SACS: variants seen among roughly 807,000 people sequenced by gnomAD.
SACS encodes the protein sacsin.
In SACS, 197 loss-of-function variants were observed where a neutral mutation model predicts 348.0. The ratio of observed to expected loss-of-function variants is 0.57; its 90% CI spans 0.50 to 0.64. The LOEUF (loss-of-function observed/expected upper bound fraction) is 0.64, where lower values mean the gene tolerates loss of function less well. Ranked by LOEUF, SACS falls within the 30% of genes least tolerant of loss-of-function variation. The pLI, the probability that SACS is intolerant of heterozygous loss-of-function variation, is 0.00. For missense variants in SACS, 4,999 were observed against 5,360.8 expected, an observed-to-expected ratio of 0.93 and a Z score of 2.11; for synonymous variants, 1,985 against 1,910.6, an observed-to-expected ratio of 1.04 and a Z score of -1.02.
In SACS at chr13:23,330,235, G is replaced by T; in HGVS notation, c.13641C>A (p.Ile4547=). 6.2e-7 allele frequency: 1 copy of T among 1,614,088 alleles called. No homozygotes were observed. Among genetic ancestry groups the T allele is most frequent in the Non-Finnish European group, 8.5e-7 (1 of 1,179,966 alleles). The change falls in exon 10 of 10, where the codon ATC becomes ATA. Residue 4547 remains isoleucine (I), a synonymous_variant. Transcript: ENST00000382292. ...CCTCAGAAGTGAACCTGTCATTTGG[G>T]ATCTGAGGAAAGGGAAGCAAATCAG... ...RYPDLLPFPQ[I]PNDRFTSEVA... is the part of the protein sequence containing the mutation.
chr13:23,357,790 TA>T (rs1870489259), intron 7 of SACS, among the ~76,000 whole-genome samples: 4 of 152,188 alleles, frequency 2.6e-5, no homozygotes, highest in African/African-American at 9.7e-5. Flanking sequence ...CTTTCTAGAT[TA>T]AAAATATGAT....
chr13:23,429,449 G>GC (rs537154255), intron 1 of SACS, among the ~76,000 whole-genome samples: 1,731 of 135,520 alleles, frequency 0.013, 39 homozygotes, highest in African/African-American at 0.044. Context: ...TGCAAGCTCC[G>GC]CCTCCCGGGT....
chr13:23,353,623 G>C (rs552846389), intron 9 of SACS, 162 bp downstream of exon 9: 2 of 588,066 alleles, frequency 3.4e-6, no homozygotes, highest in African/African-American at 1.9e-5. Context: ...GCATCTCTTA[G>C]ATGCCATTCT....
intron 1 of SACS, among the ~76,000 whole-genome samples, chr13:23,426,053 G>A (rs962290391): frequency 6.6e-6 from 1 of 152,128 alleles, no homozygotes; most frequent in African/African-American, 2.4e-5. Flanking sequence ...TCATTATACA[G>A]AGAAGGAAAC....
In SACS at chr13:23,354,870, T is replaced by C. The variant is rs1223347244; in HGVS notation, c.1742A>G (p.Asp581Gly). 3 of 1,614,182 alleles carry C rather than the reference T, an allele frequency of 1.9e-6. No individual in the cohort carries two copies. Among genetic ancestry groups the C allele is most frequent in the East Asian group, 2.2e-5 (1 of 44,878 alleles). ...AGTTTTTGTGTATTCTAAATTTTCA[T>C]CAAGTTCTGAGAAGTACACCTGCTC... Reference protein sequence around the residue: ...RLEQVYFSELDENLEYTKTVL... With the variant: ...RLEQVYFSELGENLEYTKTVL... The change falls in exon 8 of 10, where the codon GAT becomes GGT. Residue 581 changes from aspartate to glycine, a missense_variant. By Grantham distance (94) the Asp-to-Gly change is moderately conservative (BLOSUM62 -1). Around this residue, in one of 6 missense-constraint regions of SACS, gnomAD observed 3,156 missense variants for 3,380.1 expected, o/e 0.93. Coordinates refer to ENST00000382292, the MANE Select transcript of SACS (RefSeq NM_014363.6).
At chr13:23,432,592 CA>C (rs1349496595) in intron 1 of SACS, among the ~76,000 whole-genome samples, 2 of 152,154 alleles carry the variant, frequency 1.3e-5, no homozygotes, top group Non-Finnish European at 2.9e-5. Flanking sequence ...GTCTGGTTAT[CA>C]ATGGGCAGCT....
In SACS at chr13:23,363,854, T is replaced by TG. The variant is rs1396305624; in HGVS notation, c.457+1311dup. 2.6e-5 allele frequency among the ~76,000 whole-genome samples: 4 copies of TG among 152,170 alleles called. No individual in the cohort carries two copies. In the East Asian group the frequency reaches 5.8e-4, roughly 22 times the overall value. On this transcript the variant is annotated intron_variant, in intron 6 of 9. Coordinates refer to ENST00000382292, the MANE Select transcript of SACS (RefSeq NM_014363.6). ...AGCTGCCACTGAGTGTAACAGTGCCTGGGGGGCAGTACAATGGGGTAGTAC... is the reference window on the plus strand; with the variant it reads ...AGCTGCCACTGAGTGTAACAGTGCCTGGGGGGGCAGTACAATGGGGTAGTAC...
chr13:23,334,007 G>A lies in SACS; in HGVS notation c.9869C>T (p.Ala3290Val), dbSNP rs747138763. ...TCCTTCAGGAACCACAAGCTGGTTG[G>A]CTGAAACAGTAAACTTTGTTCCTGG... Reference protein sequence around the residue: ...LLPGTKFTVSANQLVVPEGDV... With the variant: ...LLPGTKFTVSVNQLVVPEGDV... Residue 3290 changes from alanine (A) to valine (V), a missense_variant, in exon 10 of 10, where the codon GCC becomes GTC. Ala to Val is a moderately conservative substitution (Grantham distance 64). Transcript: ENST00000382292. 2.5e-6 allele frequency: 4 copies of A among 1,613,846 alleles called. No individual in the cohort carries two copies. Among genetic ancestry groups the A allele is most frequent in the South Asian group, 1.1e-5 (1 of 91,064 alleles).
chr13:23,378,733 C>T (rs771476004), intron 2 of SACS, among the ~76,000 whole-genome samples: 13 of 152,166 alleles, frequency 8.5e-5, no homozygotes, highest in Non-Finnish European at 1.5e-4. Context: ...TGAGCCACCA[C>T]GCCTGGCTCT....
At chr13:23,347,910 C>T (rs1400407556) in intron 9 of SACS, among the ~76,000 whole-genome samples, 2 of 152,120 alleles carry the variant, frequency 1.3e-5, no homozygotes, top group Admixed American at 6.5e-5. Context: ...CTTCCATGTA[C>T]CAGGCATCTT....
chr13:23,341,308 A>G lies in SACS; in HGVS notation c.2568T>C (p.Asp856=). The change falls in exon 10 of 10, where the codon GAT becomes GAC. Residue 856 remains aspartate, a synonymous_variant. Coordinates refer to ENST00000382292, the MANE Select transcript of SACS (RefSeq NM_014363.6). Reference sequence around the variant, plus strand: ...TAATAAGCGGATGTTGTATAGATGCATCTAATTTTTTAAGGACAAACCCTC... The same window carrying G: ...TAATAAGCGGATGTTGTATAGATGCGTCTAATTTTTTAAGGACAAACCCTC... The part of the protein sequence containing the change: ...KLGGFVLKKL[D]ASIQHPLIKK... The G allele has an allele frequency of 6.2e-7, 1 of 1,607,242 alleles. No homozygotes were observed. The highest frequency in any genetic ancestry group is 8.5e-7 in the Non-Finnish European group (1 of 1,176,138).
Position 23,341,601 on chromosome 13 carries a change from C to T in SACS, c.2275G>A (p.Glu759Lys), listed in dbSNP as rs866478201. 2 of 1,613,924 alleles carry T rather than the reference C, an allele frequency of 1.2e-6. No individual in the cohort carries two copies. The highest frequency in any genetic ancestry group is 1.3e-5 in the African/African-American group (1 of 75,038). ...EVMNTFWPGR[E>K]LIVQWYPFDE... ...AATGGATACCATTGAACAATCAATT[C>T]TCTGCCAGGCCAGAATGTATTCATT... Residue 759 changes from glutamate (E) to lysine (K), a missense_variant, in exon 10 of 10, where the codon GAA becomes AAA. By Grantham distance (56) the Glu-to-Lys change is moderately conservative (BLOSUM62 1). This residue lies in a region of SACS where 3,156 missense variants were observed against 3,380.1 expected (regional missense o/e 0.93). Coordinates refer to ENST00000382292, the MANE Select transcript of SACS (RefSeq NM_014363.6).
chr13:23,360,063 A>G (rs980459596), intron 6 of SACS, among the ~76,000 whole-genome samples: 6 of 152,166 alleles, frequency 3.9e-5, no homozygotes, highest in African/African-American at 1.4e-4. Flanking sequence ...TCCAGAAACT[A>G]AAGCCATCAA....
At chr13:23,423,879 C>G (rs945455648) in intron 1 of SACS, among the ~76,000 whole-genome samples, 2 of 152,108 alleles carry the variant, frequency 1.3e-5, no homozygotes, top group African/African-American at 4.8e-5. Context: ...AAACAAGTTA[C>G]AAGCACTCAT....
chr13:23,363,403 T>C (rs1282620258), intron 6 of SACS, among the ~76,000 whole-genome samples: 1 of 151,738 alleles, frequency 6.6e-6, no homozygotes, highest in Non-Finnish European at 1.5e-5. Context: ...AATTTTTGTA[T>C]TTTTAGTAGA....
intron 1 of SACS, among the ~76,000 whole-genome samples, chr13:23,425,509 G>A (rs1874133735): frequency 6.6e-6 from 1 of 152,082 alleles, no homozygotes; most frequent in Non-Finnish European, 1.5e-5. Context: ...CTGATGTCGT[G>A]CTGGGGCCTT....
At chr13:23,359,735 C>A (rs991855236) in intron 6 of SACS, among the ~76,000 whole-genome samples, 2 of 151,956 alleles carry the variant, frequency 1.3e-5, no homozygotes, top group Non-Finnish European at 2.9e-5. Flanking sequence ...AATATATACA[C>A]AATAAAGTAT....
Position 23,331,460 on chromosome 13 carries a change from A to G in SACS, c.12416T>C (p.Leu4139Ser). Residue 4139 changes from leucine to serine, a missense_variant, in exon 10 of 10, where the codon TTA (leucine) becomes TCA (serine). By Grantham distance (145) the Leu-to-Ser change is moderately radical. This residue lies in a region of SACS where 831 missense variants were observed against 941.8 expected (regional missense o/e 0.88). Transcript: ENST00000382292. ...IYRIGEKLDS[L>S]GVKYDSSEPS... ...CTCCGAAGAGTCATATTTCACTCCT[A>G]AACTGTCAAGTTTCTCACCAATCCT... 19 of 1,614,084 alleles carry G rather than the reference A, an allele frequency of 1.2e-5. No homozygotes were observed. The highest frequency in any genetic ancestry group is 1.5e-5 in the Non-Finnish European group (18 of 1,179,962).
At chr13:23,377,129 G>A (rs77442726) in intron 2 of SACS, among the ~76,000 whole-genome samples, 2 of 152,128 alleles carry the variant, frequency 1.3e-5, no homozygotes, top group East Asian at 3.9e-4. Context: ...GTGGGGCTGT[G>A]GGGGGAGGGA....
Sources: gnomAD v4.1 joint callset for allele counts (sites outside exome capture counted in the v4.1 genomes callset) on GRCh38, gnomAD v4.1.1 for gene constraint, gnomAD v4.1.1 regional missense constraint, MANE v1.5 for transcripts, NCBI Gene and HGNC (gene_info 2026-07-23, HGNC 2026-07-21) for gene names.